ZNF721: variants seen among roughly 807,000 people sequenced by gnomAD.
The protein encoded by ZNF721 is zinc finger protein 721.
In ZNF721, 2 loss-of-function variants were observed where a neutral mutation model predicts 2.4. That is an observed-to-expected ratio of 0.82 (90% CI 0.34 to 2.58). The LOEUF is 2.58. ZNF721 is among the 30% of genes most tolerant of loss of function. The pLI, the probability that ZNF721 is intolerant of heterozygous loss-of-function variation, is 0.11. For synonymous variants in ZNF721, 398 were observed against 381.8 expected, an observed-to-expected ratio of 1.04 and a Z score of -0.50; for missense variants, 1,187 against 1,085.5, an observed-to-expected ratio of 1.09 and a Z score of -1.31.
chr4:474,008 A>G (rs1553868175), intron 1 of ZNF721: 1 of 1,503,608 alleles, frequency 6.7e-7, no homozygotes. Context: ...GGTGTCGCGA[A>G]GTCTTAGCTA....
At chr4:463,815 G>A (rs782363553) in intron 2 of ZNF721, among the ~76,000 whole-genome samples, 3 of 152,062 alleles carry the variant, frequency 2.0e-5, no homozygotes, top group Admixed American at 6.5e-5. Flanking sequence ...TAGATGACGG[G>A]TTGATGGGTG....
At chr4:451,992 G>GT (rs1288915718) in intron 2 of ZNF721, among the ~76,000 whole-genome samples, 2 of 152,206 alleles carry the variant, frequency 1.3e-5, no homozygotes, top group African/African-American at 4.8e-5. Flanking sequence ...GAATGCTGAG[G>GT]TAATTTCCCG....
rs1477864055 is a variant in ZNF721, at chr4:443,204, A to G, written c.1263T>C (p.Asp421=). 2 of 1,606,822 alleles carry G rather than the reference A, an allele frequency of 1.2e-6. No homozygotes were observed. Among genetic ancestry groups the G allele is most frequent in the East Asian group, 2.3e-5 (1 of 44,244 alleles). The part of the protein sequence containing the change: ...HTREKPYTCE[D]RGRAFGLSTN... ...TGGACAATCCAAAGGCTCTGCCACG[A>G]TCTTCACATGTGTAGGGTTTCTCTC... Residue 421 remains aspartate (D), a synonymous_variant, in exon 3 of 3, where the codon GAT becomes GAC. Transcript: ENST00000511833.
At position 466,552 on chromosome 4, in the gene ZNF721, T is replaced by C. The variant is rs553978850; in HGVS notation, c.34+6023A>G. 1.2e-4 allele frequency among the ~76,000 whole-genome samples: 18 copies of C among 152,344 alleles called. 1 individual carries two copies. In the East Asian group the frequency reaches 3.3e-3, roughly 28 times the overall value. The stretch of plus-strand genomic sequence containing the variant: ...GTGTAGTTTTCTAAATGCTGCAAAT[T>C]TGCAGCCATTACCACTACCAAAGAA... On this transcript the variant is annotated intron_variant, in intron 2 of 2. Transcript: ENST00000511833.
chr4:459,867 G>A (rs1714964020), intron 2 of ZNF721, among the ~76,000 whole-genome samples: 1 of 151,822 alleles, frequency 6.6e-6, no homozygotes, highest in Non-Finnish European at 1.5e-5. Context: ...TTACCTAATG[G>A]TAAAGGGATG....
intron 2 of ZNF721, among the ~76,000 whole-genome samples, chr4:450,956 A>AATATATATAT (rs71166812): frequency 6.3e-5 from 4 of 63,772 alleles, no homozygotes; most frequent in African/African-American, 3.1e-4. Context: ...AAAAAAAAAA[A>AATATATATAT]ATATATATAT....
At chr4:476,551 A>T (rs1250904793) in intron 1 of ZNF721, among the ~76,000 whole-genome samples, 1 of 152,082 alleles carries the variant, frequency 6.6e-6, no homozygotes, top group Non-Finnish European at 1.5e-5. Flanking sequence ...CTTATTTACC[A>T]CACCATTTAA....
chr4:488,872 C>G (rs11947526), intron 1 of ZNF721, among the ~76,000 whole-genome samples: 4,885 of 151,962 alleles, frequency 0.032, 153 homozygotes, highest in African/African-American at 0.073. Context: ...GGAAGAGGAA[C>G]CCCTGAGAGA....
intron 2 of ZNF721, among the ~76,000 whole-genome samples, chr4:466,839 A>C (rs1187632018): frequency 6.6e-6 from 1 of 152,214 alleles, no homozygotes; most frequent in African/African-American, 2.4e-5. Context: ...TGAGATTTGA[A>C]TGGCGCCACA....
At position 444,353 on chromosome 4, in the gene ZNF721, T is replaced by C. The variant is rs549564652; in HGVS notation, c.114A>G (p.Arg38=). ...AATTATCATGCCCACATTTCTCATA[T>C]CTTCTCAGTATAAGTTTGTGGAATG... ...EDSFHKLILR[R]YEKCGHDNLQ... is the part of the protein sequence containing the mutation. The change falls in exon 3 of 3, where the codon AGA becomes AGG. Residue 38 remains arginine, a synonymous_variant. Transcript: ENST00000511833. The C allele has an allele frequency of 3.1e-6, 5 of 1,614,042 alleles. No individual in the cohort carries two copies. Among genetic ancestry groups the C allele is most frequent in the Admixed American group, 3.3e-5 (2 of 60,008 alleles).
At chr4:467,223 A>AAAAAC (rs1553866870) in intron 2 of ZNF721, among the ~76,000 whole-genome samples, 33 of 151,242 alleles carry the variant, frequency 2.2e-4, no homozygotes, top group African/African-American at 6.8e-4. Flanking sequence ...TCTCAAAAAA[A>AAAAAC]AAACAAACAA....
chr4:493,999 TAA>T (rs1423961943), intron 1 of ZNF721, among the ~76,000 whole-genome samples: 1 of 152,226 alleles, frequency 6.6e-6, no homozygotes, highest in African/African-American at 2.4e-5. Flanking sequence ...AGAATTTACT[TAA>T]GTGACATAAA....
intron 2 of ZNF721, among the ~76,000 whole-genome samples, chr4:464,932 A>G (rs1715195782): frequency 6.6e-6 from 1 of 151,896 alleles, no homozygotes. Flanking sequence ...ACAAAAAAAA[A>G]AAATTGGCCA....
chr4:470,892 C>T (rs1017993070), intron 2 of ZNF721, among the ~76,000 whole-genome samples: 1 of 150,190 alleles, frequency 6.7e-6, no homozygotes, highest in Non-Finnish European at 1.5e-5. Flanking sequence ...CACAGCTACT[C>T]GGGAGGCTAA....
chr4:481,136 G>A (rs1158985171), intron 1 of ZNF721, among the ~76,000 whole-genome samples: 1 of 152,098 alleles, frequency 6.6e-6, no homozygotes, highest in African/African-American at 2.4e-5. Context: ...TGCTCAGGCT[G>A]GACCCAAACT....
chr4:480,352 T>C (rs1553869196), intron 1 of ZNF721, among the ~76,000 whole-genome samples: 1 of 152,240 alleles, frequency 6.6e-6, no homozygotes, highest in Admixed American at 6.5e-5. Context: ...AATTTGAATT[T>C]AGGAACACTT....
chr4:492,700 C>T (rs1380229953), intron 1 of ZNF721, among the ~76,000 whole-genome samples: 4 of 148,104 alleles, frequency 2.7e-5, no homozygotes, highest in African/African-American at 5.0e-5. Flanking sequence ...CTGAACATCC[C>T]TCTTTCTTAA....
At chr4:492,311 C>A (rs945005310) in intron 1 of ZNF721, among the ~76,000 whole-genome samples, 7 of 152,086 alleles carry the variant, frequency 4.6e-5, no homozygotes, top group Non-Finnish European at 1.0e-4. Context: ...AAGAAAAAGA[C>A]CTTCTGCAGT....
rs183982744 is a variant in ZNF721 at position 465,782 on chromosome 4, C to T, written c.34+6793G>A. Among the ~76,000 whole-genome samples the T allele has an allele frequency of 7.3e-3, 960 of 130,708 alleles. 7 individuals carry two copies. Among genetic ancestry groups the T allele is most frequent in the African/African-American group, 0.025 (900 of 35,390 alleles). 85.7% of individuals were successfully genotyped at this position (130,708 alleles called of 152,430 possible). On this transcript the variant is annotated intron_variant, in intron 2 of 2. Transcript: ENST00000511833. ...GATATTTTATGTCTCTTGGAAATTA[C>T]AAAAAAAAAACAAAACAAAACTGTA... is the stretch of plus-strand genomic sequence containing the variant.
Sources: allele counts gnomAD v4.1 joint callset (sites outside exome capture counted in the v4.1 genomes callset), GRCh38; gene constraint gnomAD v4.1.1; transcripts MANE v1.5; gene names NCBI Gene and HGNC (gene_info 2026-07-23, HGNC 2026-07-21).